Variants in CNTNAP2 observed in about 807,000 individuals in gnomAD.
CNTNAP2 encodes contactin associated protein 2.
CNTNAP2 carries 98 observed loss-of-function variants against 155.2 expected under a neutral mutation model. The observed-to-expected ratio is 0.63, with a 90% CI of 0.54 to 0.75. The LOEUF is 0.75. CNTNAP2 is among the 30% of genes least tolerant of loss of function. The pLI, the probability that CNTNAP2 is intolerant of heterozygous loss-of-function variation, is 0.00. For synonymous variants in CNTNAP2, 651 were observed against 631.2 expected, an observed-to-expected ratio of 1.03 and a Z score of -0.47; for missense variants, 1,727 against 1,688.1, an observed-to-expected ratio of 1.02 and a Z score of -0.40.
At chr7:148,178,929 C>T (rs1173985249) in intron 18 of CNTNAP2, among the ~76,000 whole-genome samples, 57 of 152,174 alleles carry the variant, frequency 3.7e-4, no homozygotes. Flanking sequence ...TTTCGGTGAT[C>T]CTTGAGTATT....
chr7:147,445,474 T>C (rs963928947), intron 10 of CNTNAP2, among the ~76,000 whole-genome samples: 5 of 152,188 alleles, frequency 3.3e-5, no homozygotes, highest in Non-Finnish European at 7.3e-5. Flanking sequence ...GGGTTAGACA[T>C]ATTAGAATAC....
intron 11 of CNTNAP2, among the ~76,000 whole-genome samples, chr7:147,516,965 G>A (rs978015957): frequency 4.7e-5 from 7 of 149,728 alleles, no homozygotes; most frequent in East Asian, 2.0e-4. Flanking sequence ...GGATTCAAGC[G>A]ATTCCCCTGC....
At chr7:146,593,149 T>TTTATTA (rs986491354) in intron 1 of CNTNAP2, among the ~76,000 whole-genome samples, 17 of 151,006 alleles carry the variant, frequency 1.1e-4, no homozygotes, top group Middle Eastern at 3.4e-3. Flanking sequence ...GTTTACTATG[T>TTTATTA]TTATTATTAT....
intron 3 of CNTNAP2, among the ~76,000 whole-genome samples, chr7:147,000,965 A>G (rs994736419): frequency 1.3e-5 from 2 of 152,130 alleles, no homozygotes; most frequent in Non-Finnish European, 2.9e-5. Context: ...ATACCAGGCT[A>G]AAATCAGAGA....
At chr7:146,560,713 A>G (rs892258217) in intron 1 of CNTNAP2, among the ~76,000 whole-genome samples, 4 of 152,152 alleles carry the variant, frequency 2.6e-5, no homozygotes, top group Non-Finnish European at 4.4e-5. Flanking sequence ...GACATCTTTA[A>G]AGAGAAGTTC....
intron 9 of CNTNAP2, among the ~76,000 whole-genome samples, chr7:147,345,430 C>T (rs1220883851): frequency 1.3e-5 from 2 of 152,122 alleles, no homozygotes; most frequent in Non-Finnish European, 2.9e-5. Context: ...AATGTCCTTC[C>T]ATCAACATAT....
At chr7:146,648,774 C>T (rs1348728457) in intron 1 of CNTNAP2, among the ~76,000 whole-genome samples, 1 of 151,940 alleles carries the variant, frequency 6.6e-6, no homozygotes, top group African/African-American at 2.4e-5. Context: ...CCCTTTGATG[C>T]ATTTAATTTA....
At chr7:147,035,790 T>G (rs1020600364) in intron 3 of CNTNAP2, among the ~76,000 whole-genome samples, 1 of 152,174 alleles carries the variant, frequency 6.6e-6, no homozygotes, top group African/African-American at 2.4e-5. Flanking sequence ...AGTGAGGATT[T>G]AGTTAGGAAT....
chr7:148,099,193 CATA>C (rs1804041161), intron 15 of CNTNAP2, among the ~76,000 whole-genome samples: 1 of 152,036 alleles, frequency 6.6e-6, no homozygotes, highest in Non-Finnish European at 1.5e-5. Context: ...GAAAAGTGGA[CATA>C]ATAACAGCAC....
intron 15 of CNTNAP2, among the ~76,000 whole-genome samples, chr7:148,038,845 T>C (rs966369414): frequency 2.6e-5 from 4 of 151,556 alleles, no homozygotes; most frequent in African/African-American, 4.9e-5. Flanking sequence ...GATGGATGGA[T>C]GGATGGATGG....
At chr7:146,644,190 T>C (rs1316613639) in intron 1 of CNTNAP2, among the ~76,000 whole-genome samples, 3 of 151,682 alleles carry the variant, frequency 2.0e-5, no homozygotes, top group African/African-American at 4.8e-5. Context: ...CAGAACACTA[T>C]GTTGAATAGG....
chr7:146,780,611 G>T (rs549761852), intron 2 of CNTNAP2, among the ~76,000 whole-genome samples: 1 of 151,770 alleles, frequency 6.6e-6, no homozygotes, highest in Non-Finnish European at 1.5e-5. Context: ...TTTGTTGGCC[G>T]CAATCCAACC....
chr7:146,130,009 C>T (rs577653904), intron 1 of CNTNAP2, among the ~76,000 whole-genome samples: 1 of 152,292 alleles, frequency 6.6e-6, no homozygotes, highest in East Asian at 1.9e-4. Flanking sequence ...ACAATTCCAA[C>T]ATTGGCCAAG....
chr7:148,414,265 A>C (rs544310077), intron 23 of CNTNAP2, among the ~76,000 whole-genome samples: 1 of 152,188 alleles, frequency 6.6e-6, no homozygotes, highest in South Asian at 2.1e-4. Context: ...TTAGTATAAA[A>C]GACCGGGTTT....
intron 3 of CNTNAP2, among the ~76,000 whole-genome samples, chr7:146,912,908 G>A (rs949105635): frequency 4.6e-5 from 7 of 152,012 alleles, no homozygotes; most frequent in Admixed American, 3.3e-4. Context: ...AGTAACATTT[G>A]ATATACTCAT....
intron 3 of CNTNAP2, among the ~76,000 whole-genome samples, chr7:146,959,551 C>T (rs1171500557): frequency 2.6e-5 from 4 of 151,412 alleles, no homozygotes; most frequent in African/African-American, 7.3e-5. Context: ...GAAACCCTGC[C>T]TCTACTAAAA....
intron 10 of CNTNAP2, among the ~76,000 whole-genome samples, chr7:147,412,011 T>C (rs1797111265): frequency 6.6e-6 from 1 of 152,228 alleles, no homozygotes; most frequent in Non-Finnish European, 1.5e-5. Context: ...AATATAGTTA[T>C]CAAACTTCAG....
intron 1 of CNTNAP2, among the ~76,000 whole-genome samples, chr7:146,434,571 G>T (rs1796215885): frequency 6.6e-6 from 1 of 152,050 alleles, no homozygotes; most frequent in Admixed American, 6.6e-5. Flanking sequence ...CTTCAGAAGA[G>T]GTGGGAGCAC....
chr7:147,597,611 T>A (rs10259411), intron 12 of CNTNAP2, among the ~76,000 whole-genome samples: 1 of 151,966 alleles, frequency 6.6e-6, no homozygotes, highest in African/African-American at 2.4e-5. Context: ...ATTGAATGAA[T>A]GAATGAATGA....
Sources: allele counts gnomAD v4.1 joint callset (sites outside exome capture counted in the v4.1 genomes callset), GRCh38; gene constraint gnomAD v4.1.1; transcripts MANE v1.5; gene names NCBI Gene and HGNC (gene_info 2026-07-23, HGNC 2026-07-21).